The following PRDM12 variants were observed in gnomAD, a reference collection of about 807,000 sequenced individuals.
The protein encoded by PRDM12 is PR/SET domain 12.
PRDM12 carries 17 observed loss-of-function variants against 29.6 expected under a neutral mutation model. The observed-to-expected ratio is 0.57, with a 90% confidence interval of 0.39 to 0.86. The LOEUF (loss-of-function observed/expected upper bound fraction) is 0.86, where lower values mean the gene tolerates loss of function less well. Ranked by LOEUF, PRDM12 falls within the 40% of genes least tolerant of loss-of-function variation. PRDM12 has a pLI of 0.00. For missense variants in PRDM12, 422 were observed against 510.8 expected (o/e 0.83, Z 1.68); for synonymous variants, 231 against 225.8 (o/e 1.02, Z -0.21).
chr9:130,665,639 G>C (rs1381963885), intron 1 of PRDM12, among the ~76,000 whole-genome samples: 2 of 152,104 alleles, frequency 1.3e-5, no homozygotes, highest in Non-Finnish European at 2.9e-5. Context: ...ACAATTTACT[G>C]CTACAGCATT....
At chr9:130,677,224 C>T (rs1830851173) in intron 3 of PRDM12, among the ~76,000 whole-genome samples, 2 of 152,216 alleles carry the variant, frequency 1.3e-5, no homozygotes, top group South Asian at 2.1e-4. Context: ...CACGCCCGAC[C>T]TCCACTTTCC....
At chr9:130,665,376 C>A (rs1830723089) in intron 1 of PRDM12, among the ~76,000 whole-genome samples, 1 of 152,216 alleles carries the variant, frequency 6.6e-6, no homozygotes. Flanking sequence ...AAAGAGAGAG[C>A]GAGAAAAGTT....
chr9:130,675,981 T>C (rs1393449047), intron 3 of PRDM12, among the ~76,000 whole-genome samples: 1 of 152,136 alleles, frequency 6.6e-6, no homozygotes, highest in Non-Finnish European at 1.5e-5. Context: ...ACCCCCTCAT[T>C]TGAGGAACAC....
Position 130,681,713 on chromosome 9 carries a change from C to T in PRDM12, c.*44C>T. ...CGGGCCCCGCGCGCTCCTGGGTCCC[C>T]GGCACCCCGGCCCCGCAGCGCGACT... On this transcript the variant is annotated 3_prime_UTR_variant, in exon 5 of 5. Transcript: ENST00000253008. This position sits in a 1 kb window ranked among gnomAD's most constrained non-coding sequence, Gnocchi z 8.1. 1.0e-6 allele frequency: 1 copy of T among 979,692 alleles called. No individual in the cohort carries two copies. Among genetic ancestry groups the T allele is most frequent in the Non-Finnish European group, 1.2e-6 (1 of 826,428 alleles). 60.7% of individuals were successfully genotyped at this position (979,692 alleles called of 1,614,324 possible).
Position 130,680,659 on chromosome 9 carries a change from A to ATTTT in PRDM12, c.683-578_683-575dup, listed in dbSNP as rs767033169. Among the ~76,000 whole-genome samples, 328 of 72,134 alleles carry ATTTT rather than the reference A, an allele frequency of 4.5e-3. 5 individuals carry two copies. Among genetic ancestry groups the ATTTT allele is most frequent in the East Asian group, 0.012 (18 of 1,546 alleles). The allele number at this position is 72,134 out of a possible 152,430, so 47.3% of individuals were successfully genotyped here. A position where few individuals can be genotyped will look rare whatever the true frequency, so the allele number is the denominator to read the frequency against. On this transcript the variant is annotated intron_variant, in intron 4 of 4. Coordinates refer to ENST00000253008, the MANE Select transcript of PRDM12 (RefSeq NM_021619.3). ...AATATATATATATATATATATATAT[A>ATTTT]TTTTTTTTTTTTTTAACTGATCCTT... is the stretch of plus-strand genomic sequence containing the variant.
intron 3 of PRDM12, among the ~76,000 whole-genome samples, chr9:130,676,136 A>G (rs190916325): frequency 6.6e-6 from 1 of 152,316 alleles, no homozygotes; most frequent in Non-Finnish European, 1.5e-5. Context: ...GAGGTTCACA[A>G]AACCTCTTCC....
chr9:130,680,636 T>TATATATATATAAAAAAA (rs1830887653), intron 4 of PRDM12, among the ~76,000 whole-genome samples: 1 of 82,666 alleles, frequency 1.2e-5, no homozygotes, highest in Admixed American at 1.5e-4. Context: ...AAAAAAAAAA[T>TATATATATATAAAAAAA]ATATATATAT....
chr9:130,670,016 G>A (rs541385859), intron 3 of PRDM12, among the ~76,000 whole-genome samples: 5 of 152,074 alleles, frequency 3.3e-5, no homozygotes, highest in Admixed American at 1.3e-4. Flanking sequence ...AAGCAGAGAC[G>A]TGGTTGCCAG....
rs543934433 is a variant in PRDM12, at chr9:130,682,259, G to C, written c.*590G>C. On this transcript the variant is annotated 3_prime_UTR_variant, in exon 5 of 5. Transcript: ENST00000253008. The surrounding 1 kb of genome is among the most constrained non-coding windows in gnomAD (Gnocchi z 4.2). ...TCCATCGGCAGCGGGAAGAGACCCGGAGAGATGCATCTTCTGGGCCCTTCT... is the reference window on the plus strand; with the variant it reads ...TCCATCGGCAGCGGGAAGAGACCCGCAGAGATGCATCTTCTGGGCCCTTCT... 1 of 152,426 alleles carries C rather than the reference G, an allele frequency of 6.6e-6. No individual in the cohort carries two copies. Among genetic ancestry groups the C allele is most frequent in the Non-Finnish European group, 1.5e-5 (1 of 68,122 alleles). The allele number at this position is 152,426 out of a possible 1,614,324, so 9.4% of individuals were successfully genotyped here. A position where few individuals can be genotyped will look rare whatever the true frequency, so the allele number is the denominator to read the frequency against.
chr9:130,680,659 A>ATTTTTTTT lies in PRDM12; in HGVS notation c.683-582_683-575dup, dbSNP rs767033169. Among the ~76,000 whole-genome samples, 121 of 72,160 alleles carry ATTTTTTTT rather than the reference A, an allele frequency of 1.7e-3. 5 individuals are homozygous for ATTTTTTTT. The highest frequency in any genetic ancestry group is 8.1e-3 in the African/African-American group (104 of 12,876). 47.3% of individuals were successfully genotyped at this position (72,160 alleles called of 152,430 possible). On this transcript the variant is annotated intron_variant, in intron 4 of 4. Transcript: ENST00000253008. ...AATATATATATATATATATATATATATTTTTTTTTTTTTTAACTGATCCTT... is the reference window on the plus strand; with the variant it reads ...AATATATATATATATATATATATATATTTTTTTTTTTTTTTTTTTTTTAACTGATCCTT...
intron 3 of PRDM12, among the ~76,000 whole-genome samples, chr9:130,670,352 G>A (rs943537227): frequency 1.3e-5 from 2 of 152,124 alleles, no homozygotes; most frequent in African/African-American, 4.8e-5. Context: ...GGTTCCTTTG[G>A]TTGTCCCTGA....
At chr9:130,674,809 T>C (rs1277512299) in intron 3 of PRDM12, among the ~76,000 whole-genome samples, 2 of 152,212 alleles carry the variant, frequency 1.3e-5, no homozygotes, top group African/African-American at 4.8e-5. Context: ...AAAATTAATT[T>C]TAGTACATTA....
intron 4 of PRDM12, among the ~76,000 whole-genome samples, chr9:130,680,563 C>G (rs144069587): frequency 0.033 from 4,735 of 145,580 alleles, 287 homozygotes; most frequent in African/African-American, 0.12. Context: ...GAGGCGAAGG[C>G]TGCAGTGAGC....
intron 1 of PRDM12, among the ~76,000 whole-genome samples, chr9:130,666,404 G>A (rs1192483090): frequency 6.6e-6 from 1 of 152,236 alleles, no homozygotes; most frequent in Non-Finnish European, 1.5e-5. Flanking sequence ...GGGCACGGAG[G>A]GTCTCCAGGT....
At chr9:130,680,659 A>ATATATATATATATATATATATATATT in intron 4 of PRDM12, among the ~76,000 whole-genome samples, 3 of 72,168 alleles carry the variant, frequency 4.2e-5, no homozygotes, top group Non-Finnish European at 6.7e-5. Flanking sequence ...ATATATATAT[A>ATATATATATATATATATATATATATT]TTTTTTTTTT....
Position 130,676,530 on chromosome 9 carries a change from C to T in PRDM12, c.571-1999C>T, listed in dbSNP as rs546352528. ...CAAAAAAGAAAAACAAAAAAAACCA[C>T]GCAAATCAGAACCTCTTTCTTCTCT... is the stretch of plus-strand genomic sequence containing the variant. On this transcript the variant is annotated intron_variant, in intron 3 of 4. Coordinates refer to ENST00000253008, the MANE Select transcript of PRDM12 (RefSeq NM_021619.3). Among the ~76,000 whole-genome samples the T allele has an allele frequency of 5.3e-5, 8 of 152,268 alleles. No individual in the cohort carries two copies. The South Asian group carries it at 1.0e-3, about 20-fold the overall frequency.
chr9:130,664,932 C>G lies in PRDM12; in HGVS notation c.223+56C>G. On this transcript the variant is annotated intron_variant, in intron 1 of 4. Coordinates refer to ENST00000253008, the MANE Select transcript of PRDM12 (RefSeq NM_021619.3). The surrounding 1 kb of genome is among the most constrained non-coding windows in gnomAD (Gnocchi z 6.4). Reference sequence around the variant, plus strand: ...CCCTCCTCCCGGCGACCCCCATTCCCGTCCTGGCGATGCGCGAGACGCGGC... The same window carrying G: ...CCCTCCTCCCGGCGACCCCCATTCCGGTCCTGGCGATGCGCGAGACGCGGC... The G allele has an allele frequency of 6.9e-7, 1 of 1,450,070 alleles. No individual in the cohort carries two copies. Among genetic ancestry groups the G allele is most frequent in the Non-Finnish European group, 9.2e-7 (1 of 1,087,790 alleles). The allele number at this position is 1,450,070 out of a possible 1,614,324, so 89.8% of individuals were successfully genotyped here.
chr9:130,665,763 A>G (rs1334318847), intron 1 of PRDM12, among the ~76,000 whole-genome samples: 1 of 149,812 alleles, frequency 6.7e-6, no homozygotes, highest in East Asian at 1.9e-4. Flanking sequence ...ACACCGTTTA[A>G]CCCCCCCCTT....
At chr9:130,680,659 A>ATATATATATATATATATATATT in intron 4 of PRDM12, among the ~76,000 whole-genome samples, 19 of 72,156 alleles carry the variant, frequency 2.6e-4, no homozygotes, top group East Asian at 1.3e-3. Flanking sequence ...ATATATATAT[A>ATATATATATATATATATATATT]TTTTTTTTTT....
Sources: gnomAD v4.1 joint callset for allele counts (sites outside exome capture counted in the v4.1 genomes callset) on GRCh38, gnomAD v4.1.1 for gene constraint, Gnocchi (gnomAD v3.1) non-coding constraint, MANE v1.5 for transcripts, NCBI Gene and HGNC (gene_info 2026-07-23, HGNC 2026-07-21) for gene names.